Variants in RALGAPA1 observed in about 807,000 individuals in gnomAD.
RALGAPA1 encodes the protein ral GTPase-activating protein subunit alpha-1.
A neutral mutation model predicts 269.6 loss-of-function variants in RALGAPA1; 52 were observed. The observed-to-expected ratio is 0.19, with a 90% CI of 0.15 to 0.24. The LOEUF is 0.24. RALGAPA1 is among the 10% of genes least tolerant of loss of function. The probability of loss-of-function intolerance (pLI) is 1.00; values close to 1 mark genes in which losing one functional copy is unlikely to be tolerated. For missense variants in RALGAPA1, 1,917 were observed against 3,013.9 expected, an observed-to-expected ratio of 0.64 and a Z score of 8.52; for synonymous variants, 817 against 1,008.3, an observed-to-expected ratio of 0.81 and a Z score of 3.60.
chr14:35,680,354 TCC>T (rs2065317649), intron 21 of RALGAPA1, among the ~76,000 whole-genome samples: 1 of 149,890 alleles, frequency 6.7e-6, no homozygotes. Context: ...ATTACAGGTG[TCC>T]ACCACCATGC....
intron 8 of RALGAPA1, 64 bp from the exon 9 acceptor site, chr14:35,750,754 A>T: frequency 7.6e-7 from 1 of 1,308,230 alleles, no homozygotes; most frequent in Non-Finnish European, 1.1e-6. Context: ...GAAAAAACCT[A>T]CATTTTTAAA....
At chr14:35,556,585 T>C (rs1387366440) in intron 39 of RALGAPA1, among the ~76,000 whole-genome samples, 1 of 152,236 alleles carries the variant, frequency 6.6e-6, no homozygotes, top group Non-Finnish European at 1.5e-5. Flanking sequence ...ATTTTTATGA[T>C]GCCTTATATT....
At chr14:35,691,231 T>C (rs1356890621) in intron 17 of RALGAPA1, among the ~76,000 whole-genome samples, 1 of 152,106 alleles carries the variant, frequency 6.6e-6, no homozygotes, top group Non-Finnish European at 1.5e-5. Context: ...TAGTGTTGCA[T>C]ATCACTGCAT....
intron 6 of RALGAPA1, among the ~76,000 whole-genome samples, chr14:35,759,032 T>C (rs60891558): frequency 0.11 from 16,992 of 152,116 alleles, 1,565 homozygotes; most frequent in East Asian, 0.37. Flanking sequence ...GAGTTTGAGG[T>C]CACAGTGAGC....
At chr14:35,704,334 C>T (rs1404895299) in intron 16 of RALGAPA1, among the ~76,000 whole-genome samples, 2 of 152,086 alleles carry the variant, frequency 1.3e-5, no homozygotes, top group Non-Finnish European at 2.9e-5. Context: ...AAACCACAGA[C>T]ATACTCTCCA....
intron 10 of RALGAPA1, 125 bp downstream of exon 10, chr14:35,748,460 C>T (rs1238479244): frequency 8.3e-7 from 1 of 1,198,902 alleles, no homozygotes; most frequent in African/African-American, 1.6e-5. Context: ...GCGATTCTCC[C>T]ACCTCAGCCT....
chr14:35,781,151 T>G (rs2075396543), intron 1 of RALGAPA1, among the ~76,000 whole-genome samples: 1 of 152,044 alleles, frequency 6.6e-6, no homozygotes, highest in African/African-American at 2.4e-5. Context: ...AAGATTCAAA[T>G]CACTAATCTG....
At chr14:35,654,522 T>C in intron 29 of RALGAPA1, 45 bp from the exon 30 acceptor site, 1 of 1,545,038 alleles carries the variant, frequency 6.5e-7, no homozygotes, top group South Asian at 1.3e-5. Context: ...ATGATGAACT[T>C]TTCATCAATG....
intron 35 of RALGAPA1, among the ~76,000 whole-genome samples, chr14:35,612,275 G>A (rs1489137640): frequency 6.6e-6 from 1 of 151,252 alleles, no homozygotes; most frequent in Non-Finnish European, 1.5e-5. Context: ...GGAGGCTGAT[G>A]CAGGAAGATC....
chr14:35,595,074 A>G, intron 37 of RALGAPA1, among the ~76,000 whole-genome samples: 1 of 151,840 alleles, frequency 6.6e-6, no homozygotes, highest in East Asian at 1.9e-4. Context: ...GGTATCACTT[A>G]TATGTGGAAT....
intron 39 of RALGAPA1, among the ~76,000 whole-genome samples, chr14:35,557,932 T>C (rs2055788034): frequency 6.6e-6 from 1 of 152,154 alleles, no homozygotes; most frequent in Non-Finnish European, 1.5e-5. Flanking sequence ...GAAAGAATCA[T>C]CTATGGGGTC....
intron 37 of RALGAPA1, among the ~76,000 whole-genome samples, chr14:35,593,934 C>T (rs539214100): frequency 5.3e-5 from 8 of 152,046 alleles, no homozygotes; most frequent in Admixed American, 3.3e-4. Flanking sequence ...GGCGTAAAAA[C>T]AGAAGCATAT....
intron 8 of RALGAPA1, 121 bp from the exon 9 acceptor site, chr14:35,750,811 T>A: frequency 1.2e-6 from 1 of 843,048 alleles, no homozygotes; most frequent in Non-Finnish European, 1.8e-6. Flanking sequence ...GAAGTAGCTT[T>A]AGCACAGAAA....
chr14:35,674,067 C>G, intron 24 of RALGAPA1, 113 bp downstream of exon 24: 3 of 717,048 alleles, frequency 4.2e-6, no homozygotes, highest in Non-Finnish European at 7.0e-6. Flanking sequence ...CCTAAGGATA[C>G]TGGTTAAAAA....
At chr14:35,595,236 C>A (rs902963887) in intron 37 of RALGAPA1, among the ~76,000 whole-genome samples, 6 of 151,830 alleles carry the variant, frequency 4.0e-5, no homozygotes, top group Admixed American at 3.9e-4. Flanking sequence ...ATTTAACGCA[C>A]AATAAAAATT....
intron 39 of RALGAPA1, among the ~76,000 whole-genome samples, chr14:35,561,603 G>A (rs1177301534): frequency 3.4e-5 from 5 of 146,546 alleles, no homozygotes; most frequent in Non-Finnish European, 7.4e-5. Context: ...CAACCTCTGG[G>A]TTCAAGCAAT....
At chr14:35,710,902 G>A (rs1415888451) in intron 16 of RALGAPA1, among the ~76,000 whole-genome samples, 1 of 152,176 alleles carries the variant, frequency 6.6e-6, no homozygotes, top group Non-Finnish European at 1.5e-5. Flanking sequence ...ACACCATACA[G>A]CCTAGGTATG....
intron 40 of RALGAPA1, 72 bp downstream of exon 40, chr14:35,549,038 A>G: frequency 6.6e-7 from 1 of 1,520,646 alleles, no homozygotes; most frequent in Non-Finnish European, 8.9e-7. Context: ...TTTTCAAGCA[A>G]GTTTTTAGAA....
intron 15 of RALGAPA1, among the ~76,000 whole-genome samples, chr14:35,722,585 C>T (rs373702914): frequency 6.6e-6 from 1 of 151,046 alleles, no homozygotes; most frequent in Non-Finnish European, 1.5e-5. Flanking sequence ...ATACTCTAGC[C>T]TAGGAAACAG....
Sources: allele counts gnomAD v4.1 joint callset (sites outside exome capture counted in the v4.1 genomes callset), GRCh38; gene constraint gnomAD v4.1.1; transcripts MANE v1.5; gene names NCBI Gene and HGNC (gene_info 2026-07-23, HGNC 2026-07-21).